IGSF21: variants seen among roughly 807,000 people sequenced by gnomAD.
IGSF21 encodes the protein immunoglobin superfamily member 21.
Under a neutral mutation model 46.8 loss-of-function variants are expected in IGSF21, and 28 were observed. The observed-to-expected ratio is 0.60, with a 90% CI of 0.44 to 0.82. The LOEUF is 0.82. Ranked by LOEUF, IGSF21 falls within the 40% of genes least tolerant of loss-of-function variation. The probability of loss-of-function intolerance (pLI) is 0.00; values close to 1 mark genes in which losing one functional copy is unlikely to be tolerated. For missense variants in IGSF21, 624 were observed against 665.5 expected (o/e 0.94, Z 0.69); for synonymous variants, 284 against 273.6 (o/e 1.04, Z -0.38).
At chr1:18,317,848 AC>A (rs2085558672) in intron 3 of IGSF21, among the ~76,000 whole-genome samples, 1 of 152,198 alleles carries the variant, frequency 6.6e-6, no homozygotes, top group African/African-American at 2.4e-5. Flanking sequence ...AATCCTCTCA[AC>A]AACCCATGAG....
At chr1:18,355,555 C>G (rs1401989014) in intron 4 of IGSF21, among the ~76,000 whole-genome samples, 1 of 151,914 alleles carries the variant, frequency 6.6e-6, no homozygotes, top group Non-Finnish European at 1.5e-5. Context: ...TTTCCCGATG[C>G]TAGAAAAAAT....
At chr1:18,154,902 C>A (rs1158000673) in intron 1 of IGSF21, among the ~76,000 whole-genome samples, 1 of 151,132 alleles carries the variant, frequency 6.6e-6, no homozygotes, top group Non-Finnish European at 1.5e-5. Flanking sequence ...CTGGAAAAAT[C>A]CTGGAGGACT....
chr1:18,336,462 A>G (rs2085767217), intron 4 of IGSF21, among the ~76,000 whole-genome samples: 2 of 152,204 alleles, frequency 1.3e-5, no homozygotes, highest in South Asian at 4.1e-4. Context: ...AAAGCAAGCA[A>G]CTTGCCTAAA....
At chr1:18,138,402 A>G (rs986220014) in intron 1 of IGSF21, among the ~76,000 whole-genome samples, 10 of 151,742 alleles carry the variant, frequency 6.6e-5, no homozygotes, top group African/African-American at 2.4e-4. Context: ...AGCACGGGGG[A>G]CCGTATTCCT....
intron 1 of IGSF21, among the ~76,000 whole-genome samples, chr1:18,201,564 G>A (rs1215599892): frequency 6.6e-6 from 1 of 152,144 alleles, no homozygotes; most frequent in East Asian, 1.9e-4. Flanking sequence ...CAGCCTCCTG[G>A]TCCTGATTCC....
intron 1 of IGSF21, among the ~76,000 whole-genome samples, chr1:18,133,004 A>C (rs2086336349): frequency 6.6e-6 from 1 of 152,018 alleles, no homozygotes; most frequent in African/African-American, 2.4e-5. Context: ...TTTTTAACCT[A>C]AATAGAGTTA....
intron 1 of IGSF21, among the ~76,000 whole-genome samples, chr1:18,203,333 G>A (rs1275173226): frequency 2.6e-5 from 4 of 152,124 alleles, no homozygotes; most frequent in East Asian, 1.9e-4. Context: ...GTTTGAGACC[G>A]AGTCTCCCTC....
chr1:18,374,480 A>G (rs1482521035), intron 6 of IGSF21, among the ~76,000 whole-genome samples: 2 of 152,130 alleles, frequency 1.3e-5, no homozygotes, highest in Non-Finnish European at 2.9e-5. Context: ...CCAAGGGCGC[A>G]AAGAACAGAT....
chr1:18,170,485 T>G (rs1406788996), intron 1 of IGSF21, among the ~76,000 whole-genome samples: 1 of 151,668 alleles, frequency 6.6e-6, no homozygotes, highest in Non-Finnish European at 1.5e-5. Flanking sequence ...TAGGTAAGAA[T>G]GCCTAATATG....
At chr1:18,151,817 A>C (rs1302334340) in intron 1 of IGSF21, among the ~76,000 whole-genome samples, 3 of 152,164 alleles carry the variant, frequency 2.0e-5, no homozygotes, top group African/African-American at 7.2e-5. Flanking sequence ...TAGTAATTAA[A>C]GAGATCCTAG....
rs556834033 is a variant in IGSF21 at position 18,228,864 on chromosome 1, C to T, written c.183+854C>T. On this transcript the variant is annotated intron_variant, in intron 2 of 9. Coordinates refer to ENST00000251296, the MANE Select transcript of IGSF21 (RefSeq NM_032880.5). ...AAACATTCAGTCTTGGTCACAGTTA[C>T]TCAACTCTGCTGGTATGGCATCAAA... is the stretch of plus-strand genomic sequence containing the variant. 2.0e-5 allele frequency among the ~76,000 whole-genome samples: 3 copies of T among 152,338 alleles called. No homozygotes were observed. In the South Asian group the frequency reaches 6.2e-4, roughly 32 times the overall value.
intron 1 of IGSF21, among the ~76,000 whole-genome samples, chr1:18,225,834 C>T (rs2084561185): frequency 6.6e-6 from 1 of 152,216 alleles, no homozygotes; most frequent in South Asian, 2.1e-4. Flanking sequence ...TTTCTCTCAC[C>T]TCTTCCGAGA....
At chr1:18,312,755 C>T (rs946695247) in intron 3 of IGSF21, among the ~76,000 whole-genome samples, 2 of 152,196 alleles carry the variant, frequency 1.3e-5, no homozygotes, top group African/African-American at 4.8e-5. Flanking sequence ...TCCTTAATCA[C>T]ACCTGCAAAG....
Position 18,370,718 on chromosome 1 carries a change from C to G in IGSF21, c.1015+5021C>G, listed in dbSNP as rs533551596. ...CTCTCAATACATATATCTGACAAAGCATTTGTAACCAGAATATATAAAGAA... is the reference window on the plus strand; with the variant it reads ...CTCTCAATACATATATCTGACAAAGGATTTGTAACCAGAATATATAAAGAA... On this transcript the variant is annotated intron_variant, in intron 6 of 9. Transcript: ENST00000251296. Among the ~76,000 whole-genome samples the G allele has an allele frequency of 1.2e-4, 18 of 152,194 alleles. No homozygotes were observed. The South Asian group carries it at 2.1e-3, about 18-fold the overall frequency.
chr1:18,165,437 C>A (rs2086669031), intron 1 of IGSF21, among the ~76,000 whole-genome samples: 1 of 152,174 alleles, frequency 6.6e-6, no homozygotes, highest in Admixed American at 6.5e-5. Context: ...CTAGTCAGAG[C>A]AGATTAGGGT....
intron 1 of IGSF21, among the ~76,000 whole-genome samples, chr1:18,108,652 A>G (rs2086114101): frequency 6.6e-6 from 1 of 151,300 alleles, no homozygotes; most frequent in African/African-American, 2.4e-5. Context: ...AACATGTGCC[A>G]CCTTCCCTGT....
At chr1:18,247,913 C>T (rs1159086613) in intron 2 of IGSF21, among the ~76,000 whole-genome samples, 2 of 152,166 alleles carry the variant, frequency 1.3e-5, no homozygotes, top group African/African-American at 2.4e-5. Context: ...TCTACACTCT[C>T]ATTTAGTACC....
At chr1:18,302,166 A>G (rs412548) in intron 3 of IGSF21, among the ~76,000 whole-genome samples, 1 of 152,014 alleles carries the variant, frequency 6.6e-6, no homozygotes, top group African/African-American at 2.4e-5. Context: ...CAAAGCCCAA[A>G]GGTGCTCCAG....
chr1:18,117,385 G>A (rs1475425881), intron 1 of IGSF21, among the ~76,000 whole-genome samples: 3 of 152,168 alleles, frequency 2.0e-5, no homozygotes, highest in Non-Finnish European at 4.4e-5. Context: ...GCGGTCCTGG[G>A]GAGAAGCTTC....
Sources: allele counts gnomAD v4.1 joint callset (sites outside exome capture counted in the v4.1 genomes callset), GRCh38; gene constraint gnomAD v4.1.1; transcripts MANE v1.5; gene names NCBI Gene and HGNC (gene_info 2026-07-23, HGNC 2026-07-21).